UGGT2: variants seen among roughly 807,000 people sequenced by gnomAD.
The protein encoded by UGGT2 is UDP-glucose glycoprotein glucosyltransferase 2.
Under a neutral mutation model 192.1 loss-of-function variants are expected in UGGT2, and 180 were observed. The ratio of observed to expected loss-of-function variants is 0.94; its 90% CI spans 0.83 to 1.06. The LOEUF is 1.06. Ranked by LOEUF, UGGT2 falls within the 50% of genes least tolerant of loss-of-function variation. The pLI, the probability that UGGT2 is intolerant of heterozygous loss-of-function variation, is 0.00. For synonymous variants in UGGT2, 580 were observed against 591.0 expected, an observed-to-expected ratio of 0.98 and a Z score of 0.27; for missense variants, 1,849 against 1,795.7, an observed-to-expected ratio of 1.03 and a Z score of -0.54.
chr13:95,887,430 A>C, intron 26 of UGGT2: 1 of 396,596 alleles, frequency 2.5e-6, no homozygotes, highest in Non-Finnish European at 5.1e-6. Flanking sequence ...AAGAGTGTTA[A>C]TGAGGAATAT....
In UGGT2 at chr13:95,902,947, GTTC is replaced by G. The variant is rs770967840; in HGVS notation, c.2406_2408del (p.Lys802del). 3 of 1,613,538 alleles carry G rather than the reference GTTC, an allele frequency of 1.9e-6. No individual in the cohort carries two copies. Among genetic ancestry groups the G allele is most frequent in the Admixed American group, 1.7e-5 (1 of 59,960 alleles). The stretch of plus-strand genomic sequence containing the variant: ...GCCCAAGAAAGCTTCTCAAAAACAT[GTTC>G]TTCTGTGTAAGAAAAGCTGCCAAAA... On this transcript the variant is annotated inframe_deletion, in exon 21 of 39. Transcript: ENST00000376747.
At chr13:96,008,508 A>G (rs1218175226) in intron 5 of UGGT2, among the ~76,000 whole-genome samples, 1 of 152,192 alleles carries the variant, frequency 6.6e-6, no homozygotes, top group African/African-American at 2.4e-5. Flanking sequence ...AAGCTCCTTG[A>G]CCTGATAAAC....
chr13:95,929,996 C>T (rs1005447793), intron 17 of UGGT2, among the ~76,000 whole-genome samples: 1 of 152,154 alleles, frequency 6.6e-6, no homozygotes, highest in African/African-American at 2.4e-5. Context: ...GAGATGGTGT[C>T]TCCTTTTGGT....
Position 95,986,356 on chromosome 13 carries a change from T to G in UGGT2, c.1008A>C (p.Ser336=). 6.2e-7 allele frequency: 1 copy of G among 1,601,834 alleles called. No individual in the cohort carries two copies. Among genetic ancestry groups the G allele is most frequent in the East Asian group, 2.2e-5 (1 of 44,598 alleles). Residue 336 remains serine (S), a synonymous_variant, in exon 9 of 39, where the codon TCA becomes TCC. Transcript: ENST00000376747. ...YDSIKLMKDI[S]QNFPIKARSL... ...ACCTGGCTTTTATGGGGAAGTTCTGTGAAATGTCTTTCATTAATTTAATGG... is the reference window on the plus strand; with the variant it reads ...ACCTGGCTTTTATGGGGAAGTTCTGGGAAATGTCTTTCATTAATTTAATGG...
At chr13:95,933,072 T>C (rs1213651885) in intron 17 of UGGT2, among the ~76,000 whole-genome samples, 1 of 152,196 alleles carries the variant, frequency 6.6e-6, no homozygotes, top group Non-Finnish European at 1.5e-5. Flanking sequence ...GGTTTTGGTA[T>C]CAGGATAACA....
At chr13:95,919,066 AG>A (rs2048765789) in intron 20 of UGGT2, among the ~76,000 whole-genome samples, 1 of 152,238 alleles carries the variant, frequency 6.6e-6, no homozygotes, top group African/African-American at 2.4e-5. Flanking sequence ...TTGGTTCAAC[AG>A]ACACAAATCA....
At chr13:95,896,859 T>C (rs2047961239) in intron 22 of UGGT2, among the ~76,000 whole-genome samples, 1 of 152,124 alleles carries the variant, frequency 6.6e-6, no homozygotes, top group South Asian at 2.1e-4. Flanking sequence ...TTGAGAAATG[T>C]GATTTTTCAG....
At chr13:95,860,922 A>C in intron 31 of UGGT2, 39 bp from the exon 32 acceptor site, 1 of 1,296,544 alleles carries the variant, frequency 7.7e-7, no homozygotes, top group Non-Finnish European at 1.1e-6. Context: ...TTAAACATAC[A>C]TATGGAAACA....
Position 96,005,936 on chromosome 13 carries a change from G to C in UGGT2, c.661-6629C>G, listed in dbSNP as rs981886784. ...TGAAACCCAACCCAACTCCTGACCA[G>C]AACACCTCAATCCTGCATACATGAA... is the stretch of plus-strand genomic sequence containing the variant. On this transcript the variant is annotated intron_variant, in intron 5 of 38. Transcript: ENST00000376747. Among the ~76,000 whole-genome samples the C allele has an allele frequency of 2.6e-5, 4 of 152,272 alleles. No homozygotes were observed. In the East Asian group the frequency reaches 5.8e-4, roughly 22 times the overall value.
intron 31 of UGGT2, 69 bp from the exon 32 acceptor site, chr13:95,860,952 A>G (rs1435530974): frequency 2.5e-6 from 2 of 804,238 alleles, no homozygotes; most frequent in African/African-American, 3.6e-5. Flanking sequence ...TAAATAGTAA[A>G]TATAAGCAAT....
chr13:95,836,987 G>A (rs1314340567), intron 37 of UGGT2, 99 bp downstream of exon 37: 1 of 931,422 alleles, frequency 1.1e-6, no homozygotes, highest in Non-Finnish European at 1.7e-6. Context: ...AAGAAGCGAA[G>A]TAATACGTAT....
chr13:95,880,444 CTT>C (rs1459383288), intron 27 of UGGT2, among the ~76,000 whole-genome samples: 2 of 152,160 alleles, frequency 1.3e-5, no homozygotes, highest in Non-Finnish European at 2.9e-5. Context: ...AACTTAAAGA[CTT>C]TAGTGCAATC....
intron 21 of UGGT2, 26 bp downstream of exon 21, chr13:95,902,828 A>G: frequency 6.3e-7 from 1 of 1,596,862 alleles, no homozygotes; most frequent in Non-Finnish European, 8.6e-7. Context: ...ATACATACAT[A>G]TTTAATATTT....
At chr13:95,991,923 G>A (rs1014973296) in intron 7 of UGGT2, among the ~76,000 whole-genome samples, 2 of 152,114 alleles carry the variant, frequency 1.3e-5, no homozygotes, top group Admixed American at 1.3e-4. Context: ...TTGGGAGACC[G>A]AGGCAGGCGG....
At chr13:95,851,711 T>C (rs1594147650) in intron 36 of UGGT2, among the ~76,000 whole-genome samples, 3 of 152,276 alleles carry the variant, frequency 2.0e-5, no homozygotes, top group East Asian at 3.9e-4. Context: ...GTTAAGTGGA[T>C]TGGAGGGAGT....
intron 17 of UGGT2, among the ~76,000 whole-genome samples, chr13:95,929,240 C>T (rs1356742834): frequency 6.6e-6 from 1 of 152,078 alleles, no homozygotes; most frequent in Non-Finnish European, 1.5e-5. Flanking sequence ...TCCAATTAAG[C>T]AATTTTAGAT....
intron 5 of UGGT2, among the ~76,000 whole-genome samples, chr13:96,000,650 G>A (rs1014332203): frequency 5.9e-5 from 9 of 152,082 alleles, no homozygotes; most frequent in African/African-American, 1.7e-4. Flanking sequence ...CTATAAGGCC[G>A]TATATCTTGT....
chr13:96,021,131 A>G (rs1304482015), intron 4 of UGGT2, among the ~76,000 whole-genome samples: 5 of 152,222 alleles, frequency 3.3e-5, no homozygotes, highest in African/African-American at 1.2e-4. Flanking sequence ...CCCAAAGGCA[A>G]ACATTACCTC....
chr13:96,013,358 A>T lies in UGGT2; in HGVS notation c.609T>A (p.Ser203=). ...RTFSAFHKVL[S]EKAQNEEILY... ...GAATTTCCTCATTTTGAGCTTTTTC[A>T]GACAATACTTTGTGAAATGCACTAA... Residue 203 remains serine, a synonymous_variant, in exon 5 of 39, where the codon TCT becomes TCA. Transcript: ENST00000376747. 1.2e-6 allele frequency: 2 copies of T among 1,608,646 alleles called. No homozygotes were observed. Among genetic ancestry groups the T allele is most frequent in the Non-Finnish European group, 1.7e-6 (2 of 1,178,732 alleles).
Sources: allele counts gnomAD v4.1 joint callset (sites outside exome capture counted in the v4.1 genomes callset), GRCh38; gene constraint gnomAD v4.1.1; transcripts MANE v1.5; gene names NCBI Gene and HGNC (gene_info 2026-07-23, HGNC 2026-07-21).